The following SLC4A10 variants were observed in gnomAD, a reference collection of about 807,000 sequenced individuals.
The protein encoded by SLC4A10 is sodium-driven chloride bicarbonate exchanger.
Under a neutral mutation model 137.7 loss-of-function variants are expected in SLC4A10, and 42 were observed. That is an observed-to-expected ratio of 0.30 (90% confidence interval 0.24 to 0.39). The LOEUF (loss-of-function observed/expected upper bound fraction) is 0.39, where lower values mean the gene tolerates loss of function less well. Ranked by LOEUF, SLC4A10 falls within the 10% of genes least tolerant of loss-of-function variation. The pLI, the probability that SLC4A10 is intolerant of heterozygous loss-of-function variation, is 1.00. For missense variants in SLC4A10, 925 were observed against 1,355.0 expected (o/e 0.68, Z 4.98); for synonymous variants, 474 against 464.1 (o/e 1.02, Z -0.27).
At chr2:161,653,318 A>C (rs1288156572) in intron 1 of SLC4A10, among the ~76,000 whole-genome samples, 1 of 152,174 alleles carries the variant, frequency 6.6e-6, no homozygotes, top group Non-Finnish European at 1.5e-5. Context: ...CATAGTGTGC[A>C]TGTGTCTTTA....
intron 1 of SLC4A10, among the ~76,000 whole-genome samples, chr2:161,627,997 G>C (rs770723443): frequency 1.3e-5 from 2 of 151,998 alleles, no homozygotes. Context: ...TTTAATAATT[G>C]TTATAACCTT....
chr2:161,841,232 C>T (rs757429524), intron 4 of SLC4A10, among the ~76,000 whole-genome samples: 19 of 152,128 alleles, frequency 1.2e-4, no homozygotes, highest in East Asian at 3.9e-4. Flanking sequence ...CATCTGCCAC[C>T]GCGCCCAGCT....
At chr2:161,721,173 C>T (rs1235751411) in intron 1 of SLC4A10, among the ~76,000 whole-genome samples, 2 of 152,128 alleles carry the variant, frequency 1.3e-5, no homozygotes, top group Non-Finnish European at 2.9e-5. Flanking sequence ...GGGCATTTAG[C>T]CCATTTAATT....
chr2:161,743,603 A>G (rs2048127381), intron 1 of SLC4A10, among the ~76,000 whole-genome samples: 1 of 151,936 alleles, frequency 6.6e-6, no homozygotes, highest in Admixed American at 6.6e-5. Context: ...TGCTGTGGAC[A>G]GCTCTGACCA....
intron 1 of SLC4A10, among the ~76,000 whole-genome samples, chr2:161,633,137 T>A (rs530256917): frequency 6.6e-6 from 1 of 151,728 alleles, no homozygotes; most frequent in Admixed American, 6.6e-5. Context: ...CCATTGTAAA[T>A]AGAAAATGCC....
At chr2:161,741,880 T>A (rs1479665199) in intron 1 of SLC4A10, among the ~76,000 whole-genome samples, 1 of 152,150 alleles carries the variant, frequency 6.6e-6, no homozygotes, top group Admixed American at 6.5e-5. Context: ...TGCTGACTGG[T>A]CACCCTGTTG....
In SLC4A10 at chr2:161,804,566, T is replaced by G; in HGVS notation, c.248T>G (p.Leu83Ter). Residue 83 changes from leucine to a stop codon, truncating the protein, a stop_gained, in exon 3 of 27, where the codon TTA becomes TGA. Coordinates refer to ENST00000446997, the MANE Select transcript of SLC4A10 (RefSeq NM_001178015.2). LOFTEE classifies it high-confidence loss of function. ...AGAGACAGAGAAAGAGATTCAGGAT[T>G]AGAGGATGGAAGGGAGTCACCTTCT... ...RKRDRERDSG[L>*]EDGRESPSFD... 6.2e-7 allele frequency: 1 copy of G among 1,612,466 alleles called. No homozygotes were observed. The highest frequency in any genetic ancestry group is 8.5e-7 in the Non-Finnish European group (1 of 1,179,112).
At chr2:161,975,500 A>T (rs914099989) in intron 24 of SLC4A10, among the ~76,000 whole-genome samples, 1 of 152,204 alleles carries the variant, frequency 6.6e-6, no homozygotes, top group Non-Finnish European at 1.5e-5. Context: ...ACATAATATC[A>T]TGAAAAATGT....
chr2:161,739,427 T>G (rs2047657555), intron 1 of SLC4A10, among the ~76,000 whole-genome samples: 1 of 152,222 alleles, frequency 6.6e-6, no homozygotes, highest in Admixed American at 6.5e-5. Flanking sequence ...GGAGATTTTC[T>G]TGCCTACTAT....
intron 1 of SLC4A10, among the ~76,000 whole-genome samples, chr2:161,653,155 T>C (rs1014896521): frequency 6.6e-6 from 1 of 152,200 alleles, no homozygotes; most frequent in African/African-American, 2.4e-5. Flanking sequence ...TCCAGCTTCA[T>C]CCATGTCCCG....
intron 6 of SLC4A10, among the ~76,000 whole-genome samples, chr2:161,871,128 G>C (rs2061091990): frequency 6.6e-6 from 1 of 151,846 alleles, no homozygotes; most frequent in African/African-American, 2.4e-5. Flanking sequence ...GTTTTCAGGA[G>C]AGAATTTAAG....
intron 25 of SLC4A10, 80 bp from the exon 26 acceptor site, chr2:161,977,642 A>G (rs1005152521): frequency 5.7e-6 from 7 of 1,217,542 alleles, no homozygotes; most frequent in African/African-American, 1.6e-5. Flanking sequence ...AGTGTTTACT[A>G]TAATTATAAA....
At chr2:161,739,626 C>G (rs1353958831) in intron 1 of SLC4A10, among the ~76,000 whole-genome samples, 1 of 152,166 alleles carries the variant, frequency 6.6e-6, no homozygotes, top group African/African-American at 2.4e-5. Flanking sequence ...TTAGCACCCC[C>G]ATACTTACCG....
At chr2:161,786,124 A>G (rs2053596683) in intron 2 of SLC4A10, among the ~76,000 whole-genome samples, 1 of 152,092 alleles carries the variant, frequency 6.6e-6, no homozygotes, top group East Asian at 1.9e-4. Flanking sequence ...AAATATATTT[A>G]GGATAGTTAA....
intron 8 of SLC4A10, among the ~76,000 whole-genome samples, chr2:161,876,552 C>T (rs2061459954): frequency 6.6e-6 from 1 of 151,968 alleles, no homozygotes; most frequent in African/African-American, 2.4e-5. Flanking sequence ...TGGTGGCGCA[C>T]CTGTAGTCCC....
At position 161,984,738 on chromosome 2, in the gene SLC4A10, A is replaced by AAAG. The variant is rs1700621845; in HGVS notation, c.*1587_*1589dup. ...ATAGAAAGAAGAATTTTAAGTTAATAAAGTTTGTATTTATAAATGCTGAAA... is the reference window on the plus strand; with the variant it reads ...ATAGAAAGAAGAATTTTAAGTTAATAAAGAAGTTTGTATTTATAAATGCTGAAA... On this transcript the variant is annotated 3_prime_UTR_variant, in exon 27 of 27. Coordinates refer to ENST00000446997, the MANE Select transcript of SLC4A10 (RefSeq NM_001178015.2). 6.6e-6 allele frequency: 1 copy of AAAG among 152,128 alleles called. No individual in the cohort carries two copies. Among genetic ancestry groups the AAAG allele is most frequent in the Non-Finnish European group, 1.5e-5 (1 of 67,978 alleles). The allele number at this position is 152,128 out of a possible 1,614,324, so 9.4% of individuals were successfully genotyped here. A position where few individuals can be genotyped will look rare whatever the true frequency, so the allele number is the denominator to read the frequency against.
At chr2:161,948,142 G>A (rs549163219) in intron 17 of SLC4A10, among the ~76,000 whole-genome samples, 2 of 152,190 alleles carry the variant, frequency 1.3e-5, no homozygotes, top group African/African-American at 4.8e-5. Flanking sequence ...TAAACCGTCA[G>A]TCCCTCCCCC....
chr2:161,960,161 C>T (rs931455181), intron 21 of SLC4A10, among the ~76,000 whole-genome samples: 4 of 151,264 alleles, frequency 2.6e-5, no homozygotes, highest in African/African-American at 4.9e-5. Flanking sequence ...GTCAAGAGAT[C>T]GAGAACATCC....
intron 15 of SLC4A10, among the ~76,000 whole-genome samples, chr2:161,936,846 GATT>G (rs1691669504): frequency 6.6e-6 from 1 of 151,974 alleles, no homozygotes; most frequent in African/African-American, 2.4e-5. Flanking sequence ...TTTCTGCTCT[GATT>G]ATTATTTTCC....
Sources: gnomAD v4.1 joint callset for allele counts (sites outside exome capture counted in the v4.1 genomes callset) on GRCh38, gnomAD v4.1.1 for gene constraint, MANE v1.5 for transcripts, NCBI Gene and HGNC (gene_info 2026-07-23, HGNC 2026-07-21) for gene names.